IPMK: variants seen among roughly 807,000 people sequenced by gnomAD.
The protein encoded by IPMK is inositol 1,3,4,6-tetrakisphosphate 5-kinase.
In IPMK, 17 loss-of-function variants were observed where a neutral mutation model predicts 45.8. The observed-to-expected ratio is 0.37, with a 90% CI of 0.25 to 0.56. The LOEUF (loss-of-function observed/expected upper bound fraction) is 0.56, where lower values mean the gene tolerates loss of function less well. IPMK is among the 20% of genes least tolerant of loss of function. IPMK has a pLI of 0.79. For synonymous variants in IPMK, 180 were observed against 184.3 expected (o/e 0.98, Z 0.19); for missense variants, 399 against 498.0 (o/e 0.80, Z 1.89).
At chr10:58,246,463 T>C (rs1224486205) in intron 1 of IPMK, among the ~76,000 whole-genome samples, 1 of 142,388 alleles carries the variant, frequency 7.0e-6, no homozygotes, top group Non-Finnish European at 1.5e-5. Flanking sequence ...CAGATATAGA[T>C]CAATGGAACA....
intron 1 of IPMK, among the ~76,000 whole-genome samples, chr10:58,250,039 A>G (rs1838859661): frequency 6.6e-6 from 1 of 152,160 alleles, no homozygotes; most frequent in African/African-American, 2.4e-5. Flanking sequence ...GTTCCATTAG[A>G]CTATGTGTCT....
In IPMK at chr10:58,195,993, T is replaced by G. The variant is rs772995005; in HGVS notation, c.*83A>C. On this transcript the variant is annotated 3_prime_UTR_variant, in exon 6 of 6. Coordinates refer to ENST00000373935, the MANE Select transcript of IPMK (RefSeq NM_152230.5). ...AATGTCGACTCATAATACAAATTTTTTACATAGCATTAAAGGTGCAGATAT... is the reference window on the plus strand; with the variant it reads ...AATGTCGACTCATAATACAAATTTTGTACATAGCATTAAAGGTGCAGATAT... 1.5e-6 allele frequency: 2 copies of G among 1,315,466 alleles called. No homozygotes were observed. Among genetic ancestry groups the G allele is most frequent in the Non-Finnish European group, 1.0e-6 (1 of 957,452 alleles). 81.5% of individuals were successfully genotyped at this position (1,315,466 alleles called of 1,614,324 possible). A position where few individuals can be genotyped will look rare whatever the true frequency, so the allele number is the denominator to read the frequency against.
At chr10:58,236,355 G>C (rs1838613305) in intron 2 of IPMK, among the ~76,000 whole-genome samples, 1 of 152,142 alleles carries the variant, frequency 6.6e-6, no homozygotes, top group African/African-American at 2.4e-5. Context: ...GAAAATAAGA[G>C]TTTAATTTCA....
chr10:58,248,415 A>C (rs1838833942), intron 1 of IPMK, among the ~76,000 whole-genome samples: 1 of 151,874 alleles, frequency 6.6e-6, no homozygotes, highest in Non-Finnish European at 1.5e-5. Context: ...GGCATTTTCT[A>C]AATTTTTTTG....
At chr10:58,242,263 T>C (rs140147809) in intron 1 of IPMK, among the ~76,000 whole-genome samples, 48 of 151,962 alleles carry the variant, frequency 3.2e-4, no homozygotes, top group African/African-American at 1.1e-3. Flanking sequence ...CGAGACCATC[T>C]TGGCTAACAT....
chr10:58,214,714 A>G (rs1838218487), intron 4 of IPMK, among the ~76,000 whole-genome samples: 1 of 152,188 alleles, frequency 6.6e-6, no homozygotes, highest in Non-Finnish European at 1.5e-5. Flanking sequence ...ATCATTTTAC[A>G]TGAATTTCAG....
chr10:58,216,937 G>A (rs1381873863), intron 3 of IPMK, among the ~76,000 whole-genome samples: 1 of 152,038 alleles, frequency 6.6e-6, no homozygotes, highest in African/African-American at 2.4e-5. Context: ...TGTAACCTCC[G>A]CCTCCCAGGA....
chr10:58,249,490 C>T (rs186899616), intron 1 of IPMK, among the ~76,000 whole-genome samples: 2 of 150,256 alleles, frequency 1.3e-5, no homozygotes, highest in East Asian at 3.9e-4. Context: ...TTTCATACCC[C>T]AACTGGTCAT....
At chr10:58,247,189 A>G (rs2132172005) in intron 1 of IPMK, among the ~76,000 whole-genome samples, 1 of 147,856 alleles carries the variant, frequency 6.8e-6, no homozygotes, top group East Asian at 2.0e-4. Context: ...AAATAGGAAC[A>G]CTTTTACACT....
chr10:58,236,699 G>A (rs1838617922), intron 2 of IPMK, among the ~76,000 whole-genome samples: 2 of 151,942 alleles, frequency 1.3e-5, no homozygotes, highest in South Asian at 4.2e-4. Context: ...GAGCCCAGGA[G>A]TTCAAGACCA....
In IPMK at chr10:58,192,843, A is replaced by T. The variant is rs1837836751; in HGVS notation, c.*3233T>A. On this transcript the variant is annotated 3_prime_UTR_variant, in exon 6 of 6. Coordinates refer to ENST00000373935, the MANE Select transcript of IPMK (RefSeq NM_152230.5). ...TCGATGTTTCCTAGGCTATGAAAAC[A>T]TCAAAAACATGTAATAGAAAGGGTA... 6.6e-6 allele frequency: 1 copy of T among 152,078 alleles called. No homozygotes were observed. 9.4% of individuals were successfully genotyped at this position (152,078 alleles called of 1,614,324 possible). A position where few individuals can be genotyped will look rare whatever the true frequency, so the allele number is the denominator to read the frequency against.
chr10:58,241,940 C>G (rs1337833403), intron 1 of IPMK, among the ~76,000 whole-genome samples: 1 of 151,774 alleles, frequency 6.6e-6, no homozygotes, highest in African/African-American at 2.4e-5. Flanking sequence ...CTCAACTCCT[C>G]ATTAGATTGG....
chr10:58,245,423 C>G (rs954333087), intron 1 of IPMK, among the ~76,000 whole-genome samples: 2 of 151,784 alleles, frequency 1.3e-5, no homozygotes, highest in Non-Finnish European at 1.5e-5. Flanking sequence ...ACCATCCTGG[C>G]CATCATAGTG....
chr10:58,243,824 C>T (rs1276353035), intron 1 of IPMK, among the ~76,000 whole-genome samples: 5 of 152,184 alleles, frequency 3.3e-5, no homozygotes, highest in African/African-American at 7.2e-5. Flanking sequence ...TCTGCCTGGC[C>T]GCCCATCGTC....
chr10:58,252,611 CTTTT>C (rs113777957), intron 1 of IPMK, among the ~76,000 whole-genome samples: 8 of 111,246 alleles, frequency 7.2e-5, no homozygotes, highest in East Asian at 4.9e-4. Context: ...GTTTTCTTTT[CTTTT>C]TTTTTTTTTT....
intron 2 of IPMK, among the ~76,000 whole-genome samples, chr10:58,229,150 G>A (rs577444492): frequency 1.3e-5 from 2 of 152,252 alleles, no homozygotes; most frequent in African/African-American, 4.8e-5. Context: ...GAGAAAAACA[G>A]AGAAGCAGCA....
At chr10:58,213,622 G>A (rs1838199753) in intron 4 of IPMK, among the ~76,000 whole-genome samples, 1 of 151,996 alleles carries the variant, frequency 6.6e-6, no homozygotes, top group South Asian at 2.1e-4. Context: ...AGGAGGCGGA[G>A]CTTGCAGTGA....
intron 4 of IPMK, among the ~76,000 whole-genome samples, chr10:58,208,055 C>G (rs1838098385): frequency 6.6e-6 from 1 of 152,154 alleles, no homozygotes. Flanking sequence ...ATTCTCCTGC[C>G]TCAGCCTCCC....
At chr10:58,254,244 C>T (rs1255268829) in intron 1 of IPMK, among the ~76,000 whole-genome samples, 1 of 151,852 alleles carries the variant, frequency 6.6e-6, no homozygotes, top group Non-Finnish European at 1.5e-5. Context: ...TCTTTTTGCT[C>T]CTCTGTTTAG....
Sources: allele counts gnomAD v4.1 joint callset (sites outside exome capture counted in the v4.1 genomes callset), GRCh38; gene constraint gnomAD v4.1.1; transcripts MANE v1.5; gene names NCBI Gene and HGNC (gene_info 2026-07-23, HGNC 2026-07-21).